FARS2: variants seen among roughly 807,000 people sequenced by gnomAD.
The protein encoded by FARS2 is phenylalanyl-tRNA synthetase 2, mitochondrial.
Under a neutral mutation model 46.4 loss-of-function variants are expected in FARS2, and 40 were observed. That is an observed-to-expected ratio of 0.86 (90% CI 0.67 to 1.12). The LOEUF is 1.12. Among genes scored for constraint, FARS2 ranks in the 50% most tolerant of loss-of-function variants. The probability of loss-of-function intolerance (pLI) is 0.00; values close to 1 mark genes in which losing one functional copy is unlikely to be tolerated. For synonymous variants in FARS2, 234 were observed against 214.9 expected (o/e 1.09, Z -0.78); for missense variants, 513 against 567.9 (o/e 0.90, Z 0.98).
At chr6:5,317,801 T>G (rs1769643909) in intron 1 of FARS2, among the ~76,000 whole-genome samples, 1 of 151,454 alleles carries the variant, frequency 6.6e-6, no homozygotes, top group Non-Finnish European at 1.5e-5. Flanking sequence ...AAGGAAAAAT[T>G]AATACCAGCC....
chr6:5,425,520 C>T, intron 3 of FARS2, among the ~76,000 whole-genome samples: 1 of 152,158 alleles, frequency 6.6e-6, no homozygotes, highest in African/African-American at 2.4e-5. Flanking sequence ...AACACACACA[C>T]ACACACACCC....
chr6:5,694,343 C>A (rs1300657744), intron 6 of FARS2, among the ~76,000 whole-genome samples: 1 of 152,200 alleles, frequency 6.6e-6, no homozygotes, highest in Non-Finnish European at 1.5e-5. Flanking sequence ...AAGCTACTGC[C>A]ACTCTGAATC....
intron 6 of FARS2, among the ~76,000 whole-genome samples, chr6:5,642,428 A>T (rs1182800456): frequency 6.6e-6 from 1 of 152,186 alleles, no homozygotes; most frequent in Non-Finnish European, 1.5e-5. Flanking sequence ...AGGACTAATG[A>T]TACCTTATGC....
intron 4 of FARS2, among the ~76,000 whole-genome samples, chr6:5,462,182 A>G (rs1765280997): frequency 6.6e-6 from 1 of 152,160 alleles, no homozygotes; most frequent in Non-Finnish European, 1.5e-5. Flanking sequence ...TATGCTTAGT[A>G]GCCATTTGTA....
chr6:5,667,650 C>A (rs562010354), intron 6 of FARS2, among the ~76,000 whole-genome samples: 3 of 152,134 alleles, frequency 2.0e-5, no homozygotes, highest in South Asian at 4.2e-4. Flanking sequence ...CTATCAGTAC[C>A]AAACATGGAG....
chr6:5,521,328 G>C lies in FARS2; in HGVS notation c.905-23852G>C, dbSNP rs1419422156. 2.0e-5 allele frequency among the ~76,000 whole-genome samples: 3 copies of C among 150,602 alleles called. No individual in the cohort carries two copies. In the South Asian group the frequency reaches 6.3e-4, roughly 31 times the overall value. ...CCAGTTGGCAGTTGACACTCAAATT[G>C]AGAAGCTGTGTTCAATATATGATAT... On this transcript the variant is annotated intron_variant, in intron 4 of 6. Coordinates refer to ENST00000274680, the MANE Select transcript of FARS2 (RefSeq NM_006567.5).
At chr6:5,292,390 T>C (rs1581707036) in intron 1 of FARS2, among the ~76,000 whole-genome samples, 1 of 152,212 alleles carries the variant, frequency 6.6e-6, no homozygotes, top group Non-Finnish European at 1.5e-5. Flanking sequence ...GTTGTACTTC[T>C]GGTAATCTCA....
chr6:5,667,017 T>C (rs1447911319), intron 6 of FARS2, among the ~76,000 whole-genome samples: 1 of 152,064 alleles, frequency 6.6e-6, no homozygotes, highest in African/African-American at 2.4e-5. Flanking sequence ...GAGCTAAATG[T>C]TGCAAACACA....
At chr6:5,687,739 A>C (rs1757355935) in intron 6 of FARS2, among the ~76,000 whole-genome samples, 1 of 152,212 alleles carries the variant, frequency 6.6e-6, no homozygotes, top group Non-Finnish European at 1.5e-5. Flanking sequence ...CTGTGAAGAA[A>C]GTCATTGGTA....
Position 5,368,975 on chromosome 6 carries a change from C to T in FARS2, c.405C>T (p.His135=). The change falls in exon 2 of 7, where the codon CAC becomes CAT. Residue 135 remains histidine (H), a synonymous_variant. Coordinates refer to ENST00000274680, the MANE Select transcript of FARS2 (RefSeq NM_006567.5). ...NFDSLLIPAD[H]PSRKKGDNYY... is the part of the protein sequence containing the mutation. Reference sequence around the variant, plus strand: ...ACAGCCTGCTCATCCCAGCTGATCACCCCAGCAGGAAGAAGGGGGACAACT... The same window carrying T: ...ACAGCCTGCTCATCCCAGCTGATCATCCCAGCAGGAAGAAGGGGGACAACT... 3.1e-6 allele frequency: 5 copies of T among 1,614,158 alleles called. No individual in the cohort carries two copies. Among genetic ancestry groups the T allele is most frequent in the Non-Finnish European group, 4.2e-6 (5 of 1,180,006 alleles).
rs144547676 is a variant in FARS2, at chr6:5,677,238, A to C, written c.1217+63918A>C. Among the ~76,000 whole-genome samples, 290 of 152,344 alleles carry C rather than the reference A, an allele frequency of 1.9e-3. 2 individuals are homozygous for C. Among genetic ancestry groups the C allele is most frequent in the African/African-American group, 6.6e-3 (274 of 41,574 alleles). On this transcript the variant is annotated intron_variant, in intron 6 of 6. Transcript: ENST00000274680. ...TATTGGCATGGTATAAATACTGAGAATCAAAGCAACCATAATTAAAAAGGC... is the reference window on the plus strand; with the variant it reads ...TATTGGCATGGTATAAATACTGAGACTCAAAGCAACCATAATTAAAAAGGC...
At chr6:5,438,598 T>C (rs1763669877) in intron 4 of FARS2, among the ~76,000 whole-genome samples, 1 of 152,168 alleles carries the variant, frequency 6.6e-6, no homozygotes, top group African/African-American at 2.4e-5. Flanking sequence ...CTATCAAGTT[T>C]GTTTTTCTTT....
chr6:5,578,861 C>T (rs115409691), intron 5 of FARS2, among the ~76,000 whole-genome samples: 1,571 of 150,278 alleles, frequency 0.01, 17 homozygotes, highest in Middle Eastern at 0.024. Flanking sequence ...AGTGGCAAGA[C>T]GTGAGCTCTA....
At chr6:5,644,538 T>A (rs1776982029) in intron 6 of FARS2, among the ~76,000 whole-genome samples, 1 of 152,144 alleles carries the variant, frequency 6.6e-6, no homozygotes. Flanking sequence ...ACCCTTGTTT[T>A]CAGACAGCTG....
intron 1 of FARS2, among the ~76,000 whole-genome samples, chr6:5,274,968 C>T (rs917946699): frequency 5.3e-5 from 8 of 152,202 alleles, no homozygotes; most frequent in Non-Finnish European, 8.8e-5. Flanking sequence ...CCTCCTGCCT[C>T]GGCCTCCCAA....
intron 5 of FARS2, among the ~76,000 whole-genome samples, chr6:5,581,189 C>T (rs931284458): frequency 1.3e-5 from 2 of 152,178 alleles, no homozygotes; most frequent in East Asian, 1.9e-4. Context: ...TGCCCAGCAC[C>T]GGTGATGGCT....
At chr6:5,677,152 C>T (rs1192150079) in intron 6 of FARS2, among the ~76,000 whole-genome samples, 1 of 152,148 alleles carries the variant, frequency 6.6e-6, no homozygotes, top group Admixed American at 6.6e-5. Flanking sequence ...GATTAACTTT[C>T]ATATAAATTT....
chr6:5,635,243 T>G (rs537186323), intron 6 of FARS2, among the ~76,000 whole-genome samples: 3 of 152,338 alleles, frequency 2.0e-5, no homozygotes, highest in South Asian at 4.1e-4. Context: ...TAATTGTAAT[T>G]AAGTACAAGC....
At chr6:5,623,717 AAAT>A (rs1194479986) in intron 6 of FARS2, among the ~76,000 whole-genome samples, 2 of 119,828 alleles carry the variant, frequency 1.7e-5, no homozygotes, top group African/African-American at 9.5e-5. Context: ...GTCTCAAAAA[AAAT>A]AAATAAATAA....
Sources: gnomAD v4.1 joint callset for allele counts (sites outside exome capture counted in the v4.1 genomes callset) on GRCh38, gnomAD v4.1.1 for gene constraint, MANE v1.5 for transcripts, NCBI Gene and HGNC (gene_info 2026-07-23, HGNC 2026-07-21) for gene names.